CDV3: variants seen among roughly 807,000 people sequenced by gnomAD.
The protein encoded by CDV3 is protein CDV3 homolog.
In CDV3, 14 loss-of-function variants were observed where a neutral mutation model predicts 24.5. That is an observed-to-expected ratio of 0.57 (90% CI 0.38 to 0.89). The LOEUF is 0.89. CDV3 is among the 40% of genes least tolerant of loss of function. The pLI is 0.00. For synonymous variants in CDV3, 114 were observed against 114.1 expected (o/e 1.00, Z 0.00); for missense variants, 304 against 310.2 (o/e 0.98, Z 0.15).
chr3:133,574,003 C>T lies in CDV3; in HGVS notation c.-42C>T, dbSNP rs779767807. On this transcript the variant is annotated 5_prime_UTR_variant, in exon 1 of 5. Coordinates refer to ENST00000264993, the MANE Select transcript of CDV3 (RefSeq NM_017548.5). ...GAGCTCGGAGCCCCGCGGGCCGCGC[C>T]CGCCGCCGGCCCCACCCATCCGGGT... 4.9e-6 allele frequency: 5 copies of T among 1,028,972 alleles called. No homozygotes were observed. The Admixed American group carries it at 1.7e-4, about 35-fold the overall frequency. 63.7% of individuals were successfully genotyped at this position (1,028,972 alleles called of 1,614,324 possible).
chr3:133,575,490 AAT>A (rs1389424747), intron 2 of CDV3, among the ~76,000 whole-genome samples: 1 of 152,224 alleles, frequency 6.6e-6, no homozygotes, highest in Admixed American at 6.5e-5. Context: ...TAAGCAAGTG[AAT>A]ATATGTTTTT....
chr3:133,587,785 C>T (rs896578833), intron 4 of CDV3, 111 bp from the exon 5 acceptor site: 74 of 1,478,808 alleles, frequency 5.0e-5, no homozygotes, highest in Middle Eastern at 5.1e-4. Flanking sequence ...CCACTCCTAC[C>T]CCTCCCCAGG....
chr3:133,587,806 G>C (rs1933768803), intron 4 of CDV3, 90 bp from the exon 5 acceptor site: 2 of 1,511,708 alleles, frequency 1.3e-6, no homozygotes, highest in Non-Finnish European at 8.8e-7. Flanking sequence ...ATTCTTCTAA[G>C]GGGTGGCTTT....
chr3:133,586,367 A>AT (rs985129024), intron 3 of CDV3, among the ~76,000 whole-genome samples, 196 bp from the exon 4 acceptor site: 128 of 152,330 alleles, frequency 8.4e-4, no homozygotes, highest in African/African-American at 2.9e-3. Flanking sequence ...AAGTGCTGGG[A>AT]TTACAGGCGT....
intron 2 of CDV3, among the ~76,000 whole-genome samples, chr3:133,576,841 C>CTTTTTTTGTTTTT (rs2074827877): frequency 3.2e-5 from 2 of 62,388 alleles, no homozygotes; most frequent in Admixed American, 2.3e-4. Context: ...GGTAGACTAG[C>CTTTTTTTGTTTTT]TTTTTTTTTT....
rs1933849058 is a variant in CDV3, at chr3:133,588,693, T to C, written c.*647T>C. 2 of 291,478 alleles carry C rather than the reference T, an allele frequency of 6.9e-6. No individual in the cohort carries two copies. Among genetic ancestry groups the C allele is most frequent in the Non-Finnish European group, 1.3e-5 (2 of 158,672 alleles). The allele number at this position is 291,478 out of a possible 1,614,324, so 18.1% of individuals were successfully genotyped here. A position where few individuals can be genotyped will look rare whatever the true frequency, so the allele number is the denominator to read the frequency against. On this transcript the variant is annotated 3_prime_UTR_variant, in exon 5 of 5. Coordinates refer to ENST00000264993, the MANE Select transcript of CDV3 (RefSeq NM_017548.5). ...TCAGATCATCTGTGTAGGGCTGTGATTTGTAATTTAAACTAATTGTATTCT... is the reference window on the plus strand; with the variant it reads ...TCAGATCATCTGTGTAGGGCTGTGACTTGTAATTTAAACTAATTGTATTCT...
chr3:133,589,734 C>G lies in CDV3; in HGVS notation c.*1688C>G, dbSNP rs893587813. On this transcript the variant is annotated 3_prime_UTR_variant, in exon 5 of 5. Coordinates refer to ENST00000264993, the MANE Select transcript of CDV3 (RefSeq NM_017548.5). ...GACTCCGAGGAGGGTTACAGTATCT[C>G]CTGACGGGACCTGCCACTCGCATCT... The G allele has an allele frequency of 3.3e-5, 5 of 152,340 alleles. No individual in the cohort carries two copies. Among genetic ancestry groups the G allele is most frequent in the Non-Finnish European group, 7.3e-5 (5 of 68,044 alleles). 9.4% of individuals were successfully genotyped at this position (152,340 alleles called of 1,614,324 possible). A position where few individuals can be genotyped will look rare whatever the true frequency, so the allele number is the denominator to read the frequency against.
At chr3:133,587,095 A>G (rs1576660745) in intron 4 of CDV3, 2 of 828,392 alleles carry the variant, frequency 2.4e-6, no homozygotes, top group East Asian at 5.8e-5. Context: ...ATTCCCAGTT[A>G]ATGTGACTAT....
chr3:133,585,851 C>T (rs1209923012), intron 3 of CDV3, among the ~76,000 whole-genome samples: 3 of 152,154 alleles, frequency 2.0e-5, no homozygotes, highest in African/African-American at 4.8e-5. Flanking sequence ...AAATTCTTTA[C>T]ATATGGCATC....
Position 133,588,107 on chromosome 3 carries a change from C to G in CDV3, c.*61C>G. On this transcript the variant is annotated 3_prime_UTR_variant, in exon 5 of 5. Transcript: ENST00000264993. ...ACTGCAGCTAACCACCACCAACAGC[C>G]ATTCATCATCTGATCTCTGCTGGAT... 4.4e-6 allele frequency: 7 copies of G among 1,584,618 alleles called. No homozygotes were observed. The highest frequency in any genetic ancestry group is 6.0e-6 in the Non-Finnish European group (7 of 1,166,078).
intron 3 of CDV3, among the ~76,000 whole-genome samples, 184 bp from the exon 4 acceptor site, chr3:133,586,379 A>G (rs1031614717): frequency 1.3e-5 from 2 of 152,226 alleles, no homozygotes; most frequent in Non-Finnish European, 2.9e-5. Flanking sequence ...TACAGGCGTG[A>G]GCCACCACGC....
At chr3:133,584,389 A>G (rs927849601) in intron 3 of CDV3, among the ~76,000 whole-genome samples, 1 of 152,186 alleles carries the variant, frequency 6.6e-6, no homozygotes, top group Non-Finnish European at 1.5e-5. Flanking sequence ...ATATAGATAT[A>G]GACTAGTCGA....
chr3:133,587,274 C>A, intron 4 of CDV3: 1 of 1,279,008 alleles, frequency 7.8e-7, no homozygotes, highest in South Asian at 3.2e-5. Flanking sequence ...ATGTAAATGA[C>A]ATCAGATGGA....
In CDV3 at chr3:133,587,187, A is replaced by T. The variant is rs991168255; in HGVS notation, c.626+465A>T. ...GTACTTAAAATGAATGCTACCTGGA[A>T]TTAAATGACTACATATGGCACATCT... is the stretch of plus-strand genomic sequence containing the variant. On this transcript the variant is annotated intron_variant, in intron 4 of 4. Transcript: ENST00000264993. 4.4e-6 allele frequency: 6 copies of T among 1,365,656 alleles called. No individual in the cohort carries two copies. The African/African-American group carries it at 7.4e-5, about 17-fold the overall frequency. 84.6% of individuals were successfully genotyped at this position (1,365,656 alleles called of 1,614,324 possible).
intron 3 of CDV3, among the ~76,000 whole-genome samples, chr3:133,584,848 T>C (rs1337776722): frequency 6.6e-6 from 1 of 152,100 alleles, no homozygotes; most frequent in Non-Finnish European, 1.5e-5. Context: ...AACAGATGTA[T>C]AGTATATCGC....
chr3:133,579,590 TGTTC>T (rs948829795), intron 2 of CDV3, among the ~76,000 whole-genome samples: 3 of 151,962 alleles, frequency 2.0e-5, no homozygotes, highest in African/African-American at 7.2e-5. Flanking sequence ...GTTTTTGGTT[TGTTC>T]GTTCTTTTTT....
chr3:133,583,729 A>G (rs1025728123), intron 2 of CDV3, among the ~76,000 whole-genome samples: 2 of 151,882 alleles, frequency 1.3e-5, no homozygotes, highest in African/African-American at 4.8e-5. Context: ...TGCCTGGCTC[A>G]TTTTTGTATT....
chr3:133,574,846 A>G (rs2074742645), intron 1 of CDV3, 193 bp from the exon 2 acceptor site: 1 of 713,206 alleles, frequency 1.4e-6, no homozygotes, highest in Non-Finnish European at 2.1e-6. Flanking sequence ...GCGGAAGTAT[A>G]GTGTTAGCCT....
intron 2 of CDV3, among the ~76,000 whole-genome samples, chr3:133,578,220 G>T (rs1000129865): frequency 6.6e-6 from 1 of 152,120 alleles, no homozygotes; most frequent in African/African-American, 2.4e-5. Flanking sequence ...ACTCCTGGCC[G>T]CAAGTGATCT....
Sources: gnomAD v4.1 joint callset for allele counts (sites outside exome capture counted in the v4.1 genomes callset) on GRCh38, gnomAD v4.1.1 for gene constraint, MANE v1.5 for transcripts, NCBI Gene and HGNC (gene_info 2026-07-23, HGNC 2026-07-21) for gene names.